UBXN4: variants seen among roughly 807,000 people sequenced by gnomAD.
The protein encoded by UBXN4 is UBX domain-containing protein 4.
In UBXN4, 35 loss-of-function variants were observed where a neutral mutation model predicts 66.2. The ratio of observed to expected loss-of-function variants is 0.53; its 90% CI spans 0.40 to 0.70. The LOEUF (loss-of-function observed/expected upper bound fraction) is 0.70. Ranked by LOEUF, UBXN4 falls within the 30% of genes least tolerant of loss-of-function variation. The probability of loss-of-function intolerance (pLI) is 0.00; values close to 1 mark genes in which losing one functional copy is unlikely to be tolerated. For synonymous variants in UBXN4, 203 were observed against 204.5 expected (o/e 0.99, Z 0.06); for missense variants, 533 against 599.8 (o/e 0.89, Z 1.16).
rs566570839 is a variant in UBXN4, at chr2:135,750,957, G to A, written c.186-2582G>A. 5.1e-4 allele frequency among the ~76,000 whole-genome samples: 71 copies of A among 138,908 alleles called. 1 individual carries two copies. In the South Asian group the frequency reaches 0.011, roughly 21 times the overall value. 91.1% of individuals were successfully genotyped at this position (138,908 alleles called of 152,430 possible). On this transcript the variant is annotated intron_variant, in intron 2 of 12. Coordinates refer to ENST00000272638, the MANE Select transcript of UBXN4 (RefSeq NM_014607.4). Reference sequence around the variant, plus strand: ...TGCAAGCTCCGCCTCCCGGGTTCACGCCATTCTCCTGCCTCAGCCTCCCGA... The same window carrying A: ...TGCAAGCTCCGCCTCCCGGGTTCACACCATTCTCCTGCCTCAGCCTCCCGA...
At chr2:135,773,491 C>T (rs2077395411) in intron 9 of UBXN4, among the ~76,000 whole-genome samples, 1 of 152,178 alleles carries the variant, frequency 6.6e-6, no homozygotes. Context: ...TGGCCACCTT[C>T]AGAGTAGTCA....
intron 5 of UBXN4, among the ~76,000 whole-genome samples, chr2:135,757,972 A>G (rs540601014): frequency 1.3e-5 from 2 of 152,154 alleles, no homozygotes; most frequent in South Asian, 4.1e-4. Context: ...GTGCAGTGGC[A>G]CAAACATAGC....
chr2:135,755,709 T>C lies in UBXN4; in HGVS notation c.508+18T>C, dbSNP rs1363321256. ...TGCAACAGGTAACTTTTAATGTACCTTTTTGAGTGCAATAGAAGCTCCTTC... is the reference window on the plus strand; with the variant it reads ...TGCAACAGGTAACTTTTAATGTACCCTTTTGAGTGCAATAGAAGCTCCTTC... On this transcript the variant is annotated intron_variant, in intron 5 of 12. Coordinates refer to ENST00000272638, the MANE Select transcript of UBXN4 (RefSeq NM_014607.4). 6 of 1,447,154 alleles carry C rather than the reference T, an allele frequency of 4.1e-6. No individual in the cohort carries two copies. Among genetic ancestry groups the C allele is most frequent in the Admixed American group, 4.3e-5 (2 of 47,032 alleles). 89.6% of individuals were successfully genotyped at this position (1,447,154 alleles called of 1,614,324 possible).
At chr2:135,747,191 CA>C (rs35385616) in intron 1 of UBXN4, among the ~76,000 whole-genome samples, 112,128 of 151,484 alleles carry the variant, frequency 0.74, 41,975 homozygotes, top group Non-Finnish European at 0.79. Flanking sequence ...ACTAAAAATA[CA>C]AAAAAATTAG....
chr2:135,755,131 T>C (rs1172070897), intron 4 of UBXN4, among the ~76,000 whole-genome samples: 1 of 152,222 alleles, frequency 6.6e-6, no homozygotes, highest in Non-Finnish European at 1.5e-5. Flanking sequence ...CATAACTTTG[T>C]TGAAAGAGAA....
chr2:135,752,530 C>A (rs2077249822), intron 2 of UBXN4, among the ~76,000 whole-genome samples: 1 of 152,100 alleles, frequency 6.6e-6, no homozygotes, highest in African/African-American at 2.4e-5. Context: ...ATATAGATTG[C>A]TTTTAATCCT....
In UBXN4 at chr2:135,780,220, G is replaced by T. The variant is rs1349064852; in HGVS notation, c.1223G>T (p.Ser408Ile). 3.1e-6 allele frequency: 5 copies of T among 1,614,040 alleles called. No individual in the cohort carries two copies. In the East Asian group the frequency reaches 1.1e-4, roughly 36 times the overall value. ...RPTASIVHSS[S>I]GDIWTLLGTV... is the part of the protein sequence containing the mutation. ...ACTGCATCCATTGTACACTCTTCCA[G>T]CGGAGACATTTGGACCTTGTTGGGA... The change falls in exon 12 of 13, where the codon AGC becomes ATC. Residue 408 changes from serine (S) to isoleucine (I), a missense_variant. Physicochemically the swap from Ser to Ile is moderately radical, Grantham distance 142. Coordinates refer to ENST00000272638, the MANE Select transcript of UBXN4 (RefSeq NM_014607.4).
intron 6 of UBXN4, among the ~76,000 whole-genome samples, chr2:135,764,201 G>A (rs540128835): frequency 6.6e-6 from 1 of 152,242 alleles, no homozygotes; most frequent in African/African-American, 2.4e-5. Flanking sequence ...TTCCTCTCAG[G>A]CTACAGTTGA....
At chr2:135,758,136 A>C (rs1216834775) in intron 5 of UBXN4, among the ~76,000 whole-genome samples, 3 of 148,004 alleles carry the variant, frequency 2.0e-5, no homozygotes, top group Non-Finnish European at 4.4e-5. Context: ...GTGCAATGGC[A>C]CAATCTTGGC....
intron 6 of UBXN4, among the ~76,000 whole-genome samples, chr2:135,763,584 G>A (rs1332479051): frequency 1.3e-5 from 2 of 151,696 alleles, no homozygotes; most frequent in Non-Finnish European, 2.9e-5. Context: ...CAGCACTTTG[G>A]GAGGCTGAGA....
rs1056270827 is a variant in UBXN4 at position 135,783,069 on chromosome 2, C to T, written c.*182C>T. 3 of 611,802 alleles carry T rather than the reference C, an allele frequency of 4.9e-6. No individual in the cohort carries two copies. The highest frequency in any genetic ancestry group is 8.0e-6 in the Non-Finnish European group (3 of 374,804). The allele number at this position is 611,802 out of a possible 1,614,324, so 37.9% of individuals were successfully genotyped here. A position where few individuals can be genotyped will look rare whatever the true frequency, so the allele number is the denominator to read the frequency against. On this transcript the variant is annotated 3_prime_UTR_variant, in exon 13 of 13. Transcript: ENST00000272638. ...TCAGAAAAGTAAAGACAGGAAATAA[C>T]TCTCTGCTAGGTCCTTGCTTATATG... is the stretch of plus-strand genomic sequence containing the variant.
At chr2:135,771,392 C>G (rs1479417442) in intron 8 of UBXN4, among the ~76,000 whole-genome samples, 1 of 152,020 alleles carries the variant, frequency 6.6e-6, no homozygotes, top group Non-Finnish European at 1.5e-5. Context: ...AGGAGAATCA[C>G]TTGAACCTAG....
chr2:135,751,890 G>A (rs16831992), intron 2 of UBXN4, among the ~76,000 whole-genome samples: 2 of 151,900 alleles, frequency 1.3e-5, no homozygotes, highest in African/African-American at 4.8e-5. Context: ...ACATTGATGA[G>A]TATCTCTTAC....
chr2:135,755,842 C>T (rs2077276467), intron 5 of UBXN4, 151 bp downstream of exon 5: 1 of 410,674 alleles, frequency 2.4e-6, no homozygotes, highest in Non-Finnish European at 3.5e-6. Context: ...ACACATGTGT[C>T]ATTTAGTGGC....
At chr2:135,777,287 C>G (rs1376659367) in intron 10 of UBXN4, among the ~76,000 whole-genome samples, 13 of 152,078 alleles carry the variant, frequency 8.5e-5, no homozygotes, top group Admixed American at 8.5e-4. Flanking sequence ...TTATATGTAT[C>G]AGTATTTTTT....
At chr2:135,764,075 G>A (rs1272168209) in intron 6 of UBXN4, among the ~76,000 whole-genome samples, 2 of 152,064 alleles carry the variant, frequency 1.3e-5, no homozygotes, top group African/African-American at 4.8e-5. Flanking sequence ...AGTGAGCCAA[G>A]GTCATGCCAC....
intron 1 of UBXN4, among the ~76,000 whole-genome samples, chr2:135,743,405 A>G (rs921449366): frequency 2.6e-5 from 4 of 152,232 alleles, no homozygotes. Flanking sequence ...TGTGTACATT[A>G]GTAGGTTTTT....
chr2:135,770,120 T>C (rs2077374095), intron 7 of UBXN4, among the ~76,000 whole-genome samples: 1 of 152,242 alleles, frequency 6.6e-6, no homozygotes, highest in African/African-American at 2.4e-5. Flanking sequence ...AACAAAGTTT[T>C]AGTTCATTTT....
At chr2:135,743,146 A>G (rs1217932888) in intron 1 of UBXN4, among the ~76,000 whole-genome samples, 1 of 152,218 alleles carries the variant, frequency 6.6e-6, no homozygotes, top group East Asian at 1.9e-4. Flanking sequence ...TAGCTCTATA[A>G]CTTTATGCAC....
Sources: gnomAD v4.1 joint callset for allele counts (sites outside exome capture counted in the v4.1 genomes callset) on GRCh38, gnomAD v4.1.1 for gene constraint, MANE v1.5 for transcripts, NCBI Gene and HGNC (gene_info 2026-07-23, HGNC 2026-07-21) for gene names.